NAA11: variants seen among roughly 807,000 people sequenced by gnomAD.
NAA11 encodes the protein N-alpha-acetyltransferase 11, NatA catalytic subunit.
A neutral mutation model predicts 16.1 loss-of-function variants in NAA11; 15 were observed. That is an observed-to-expected ratio of 0.93 (90% CI 0.62 to 1.44). The LOEUF is 1.44. Among genes scored for constraint, NAA11 ranks in the 40% most tolerant of loss-of-function variants. NAA11 has a pLI of 0.00. For missense variants in NAA11, 298 were observed against 291.3 expected, an observed-to-expected ratio of 1.02 and a Z score of -0.17; for synonymous variants, 122 against 112.4, an observed-to-expected ratio of 1.09 and a Z score of -0.54.
At chr4:79,311,128 G>A (rs1214424728) in intron 1 of NAA11, among the ~76,000 whole-genome samples, 1 of 152,088 alleles carries the variant, frequency 6.6e-6, no homozygotes, top group African/African-American at 2.4e-5. Flanking sequence ...TCTAAGATAA[G>A]CCACTATTAT....
At chr4:79,293,862 A>G (rs766545121) in intron 2 of NAA11, 1 of 152,204 alleles carries the variant, frequency 6.6e-6, no homozygotes, top group South Asian at 2.1e-4. Flanking sequence ...GATCTTTAAG[A>G]GAGGATTAGA....
intron 1 of NAA11, among the ~76,000 whole-genome samples, chr4:79,296,126 G>GGAAGTA (rs796734239): frequency 1.3e-5 from 2 of 152,174 alleles, no homozygotes; most frequent in Non-Finnish European, 2.9e-5. Context: ...GTGTGGAAGT[G>GGAAGTA]GAAGTAGAAG....
chr4:79,320,791 T>A (rs1724067267), intron 1 of NAA11, among the ~76,000 whole-genome samples: 3 of 148,766 alleles, frequency 2.0e-5, no homozygotes, highest in South Asian at 4.2e-4. Flanking sequence ...TGAAAAATAT[T>A]TTTTTTAGGA....
At chr4:79,239,459 G>A (rs1721642520) in intron 2 of NAA11, among the ~76,000 whole-genome samples, 1 of 152,102 alleles carries the variant, frequency 6.6e-6, no homozygotes, top group Admixed American at 6.5e-5. Context: ...CTAGCACTTT[G>A]GGAGGCTGAA....
chr4:79,166,236 T>G, the NAA11 span, among the ~76,000 whole-genome samples: 5 of 152,172 alleles, frequency 3.3e-5, no homozygotes, highest in African/African-American at 7.2e-5. Context: ...CTTGCTGCTC[T>G]CTAACCACGG....
chr4:79,182,138 A>G, the NAA11 span, among the ~76,000 whole-genome samples: 5 of 152,178 alleles, frequency 3.3e-5, no homozygotes, highest in African/African-American at 9.7e-5. Context: ...GCAGTCATAG[A>G]CCTGTCGGTT....
chr4:79,156,800 G>C, the NAA11 span, among the ~76,000 whole-genome samples: 3 of 152,296 alleles, frequency 2.0e-5, no homozygotes, highest in South Asian at 6.2e-4. Context: ...TGGTAATTGA[G>C]CTCAGACTTG....
At chr4:79,227,150 G>C (rs1182527702) in intron 2 of NAA11, 3 of 151,994 alleles carry the variant, frequency 2.0e-5, no homozygotes, top group African/African-American at 7.2e-5. Flanking sequence ...ATCTCATTGT[G>C]GTTTTGATTT....
At chr4:79,188,000 A>G in the NAA11 span, among the ~76,000 whole-genome samples, 11 of 10,940 alleles carry the variant, frequency 1.0e-3, no homozygotes, top group Non-Finnish European at 6.9e-3. Context: ...CTCCGTCTCA[A>G]AAAAAAAAAA....
the NAA11 span, among the ~76,000 whole-genome samples, chr4:79,197,313 A>G: frequency 6.6e-6 from 1 of 151,986 alleles, no homozygotes; most frequent in Non-Finnish European, 1.5e-5. Context: ...TTATTCATTC[A>G]TCCAATGAAT....
the NAA11 span, among the ~76,000 whole-genome samples, chr4:79,205,231 G>A: frequency 1.3e-5 from 2 of 151,944 alleles, no homozygotes; most frequent in Non-Finnish European, 2.9e-5. Context: ...TTCGTTCTTT[G>A]AGAAATCTCC....
chr4:79,164,305 T>C, the NAA11 span, among the ~76,000 whole-genome samples: 5 of 152,186 alleles, frequency 3.3e-5, no homozygotes, highest in South Asian at 1.0e-3. Context: ...GCAGCCACGG[T>C]GTGAGCAGAT....
chr4:79,269,906 C>T (rs1229566792), intron 2 of NAA11, among the ~76,000 whole-genome samples: 3 of 151,990 alleles, frequency 2.0e-5, no homozygotes, highest in Non-Finnish European at 4.4e-5. Context: ...GATCCAGTTT[C>T]AGCTTTCTCC....
At chr4:79,324,969 A>G (rs183016909) in intron 1 of NAA11, among the ~76,000 whole-genome samples, 6 of 152,352 alleles carry the variant, frequency 3.9e-5, no homozygotes, top group African/African-American at 1.4e-4. Context: ...ATCTACTTTC[A>G]GCATGAGCTG....
chr4:79,320,231 T>G (rs971126617), intron 1 of NAA11, among the ~76,000 whole-genome samples: 1 of 152,332 alleles, frequency 6.6e-6, no homozygotes, highest in East Asian at 1.9e-4. Context: ...ACATTTAGCT[T>G]GTCAGTGAAA....
the NAA11 span, chr4:79,197,558 T>C: frequency 1.3e-5 from 2 of 152,020 alleles, no homozygotes; most frequent in Non-Finnish European, 2.9e-5. Flanking sequence ...GCTATTGCTT[T>C]AGAGAAGCTT....
the NAA11 span, among the ~76,000 whole-genome samples, chr4:79,156,153 A>G: frequency 6.6e-6 from 1 of 152,154 alleles, no homozygotes; most frequent in Non-Finnish European, 1.5e-5. Flanking sequence ...CTACATATGT[A>G]TATTTGTAGT....
intron 2 of NAA11, among the ~76,000 whole-genome samples, chr4:79,292,117 T>C (rs1046905299): frequency 2.0e-5 from 3 of 152,326 alleles, no homozygotes; most frequent in African/African-American, 2.4e-5. Flanking sequence ...TCAGAAACAG[T>C]TGATGTTGTC....
the NAA11 span, among the ~76,000 whole-genome samples, chr4:79,205,792 G>A: frequency 2.6e-5 from 4 of 151,946 alleles, no homozygotes; most frequent in African/African-American, 9.7e-5. Context: ...TTTATATAAG[G>A]TGAGAGATAG....
Sources: gnomAD v4.1 joint callset for allele counts (sites outside exome capture counted in the v4.1 genomes callset) on GRCh38, gnomAD v4.1.1 for gene constraint, MANE v1.5 for transcripts, NCBI Gene and HGNC (gene_info 2026-07-23, HGNC 2026-07-21) for gene names.